TEX29: variants seen among roughly 807,000 people sequenced by gnomAD.
The protein encoded by TEX29 is testis-expressed protein 29.
In TEX29, 26 loss-of-function variants were observed where a neutral mutation model predicts 18.2. The observed-to-expected ratio is 1.43, with a 90% CI of 1.04 to 1.98. The LOEUF (loss-of-function observed/expected upper bound fraction) is 1.98, where lower values mean the gene tolerates loss of function less well. TEX29 is among the 30% of genes most tolerant of loss of function. The pLI is 0.00. For missense variants in TEX29, 177 were observed against 194.2 expected, an observed-to-expected ratio of 0.91 and a Z score of 0.53; for synonymous variants, 83 against 78.5, an observed-to-expected ratio of 1.06 and a Z score of -0.31.
At chr13:111,317,014 TCCAATCACCCCCCACCACGTC>T (rs2093655650), upstream of TEX29, among the ~76,000 whole-genome samples, 1 of 152,108 alleles carries the variant, frequency 6.6e-6, no homozygotes, top group Admixed American at 6.5e-5. Flanking sequence ...ACCCCCACGG[TCCAATCACCCCCCACCACGTC>T]CCTCTCTTGA....
chr13:111,332,683 A>G (rs915941307), intron 3 of TEX29, among the ~76,000 whole-genome samples: 2 of 152,210 alleles, frequency 1.3e-5, no homozygotes, highest in Non-Finnish European at 2.9e-5. Flanking sequence ...CCATGTATCT[A>G]TTAATAGTAA....
At chr13:111,327,556 C>T (rs1388736506) in intron 2 of TEX29, among the ~76,000 whole-genome samples, 1 of 152,166 alleles carries the variant, frequency 6.6e-6, no homozygotes, top group African/African-American at 2.4e-5. Context: ...CCCAGTCCCT[C>T]GGTGGCCCAT....
chr13:111,329,225 G>A (rs2093678981), intron 3 of TEX29, among the ~76,000 whole-genome samples: 2 of 152,088 alleles, frequency 1.3e-5, no homozygotes, highest in Non-Finnish European at 2.9e-5. Flanking sequence ...TGCACAGCAC[G>A]CCCTCGGGAG....
intron 3 of TEX29, among the ~76,000 whole-genome samples, chr13:111,332,115 T>C (rs1360318104): frequency 4.6e-5 from 7 of 152,206 alleles, no homozygotes; most frequent in African/African-American, 1.7e-4. Flanking sequence ...GGGGTTGTGT[T>C]GAATCTGTAT....
intron 3 of TEX29, among the ~76,000 whole-genome samples, chr13:111,337,123 G>A (rs512610): frequency 0.69 from 105,388 of 152,094 alleles, 37,168 homozygotes; most frequent in Admixed American, 0.81. Context: ...ATTTCAATTC[G>A]ATCGATTCTG....
rs1422966499 is a variant in TEX29, at chr13:111,329,230, C to G, written c.169+937C>G. ...GGGAGCAGCCTGCACAGCACGCCCT[C>G]GGGAGGGAACAGTGCAGCCCTTACC... On this transcript the variant is annotated intron_variant, in intron 3 of 5. Transcript: ENST00000283547. 2.6e-5 allele frequency among the ~76,000 whole-genome samples: 4 copies of G among 152,006 alleles called. No homozygotes were observed. In the East Asian group the frequency reaches 7.8e-4, roughly 30 times the overall value.
chr13:111,325,446 G>A (rs1325951625), intron 2 of TEX29, among the ~76,000 whole-genome samples: 1 of 152,148 alleles, frequency 6.6e-6, no homozygotes, highest in African/African-American at 2.4e-5. Context: ...GTTTCTAGAG[G>A]GAGCAGGGAG....
At chr13:111,339,562 C>T (rs1055265713) in intron 3 of TEX29, 7 of 509,094 alleles carry the variant, frequency 1.4e-5, no homozygotes, top group African/African-American at 3.9e-5. Flanking sequence ...GGTCAGGACC[C>T]AGTGCCGTCT....
Position 111,320,752 on chromosome 13 carries a change from G to T in TEX29, c.-45G>T, listed in dbSNP as rs1007718186. 1.0e-6 allele frequency: 1 copy of T among 1,001,810 alleles called. No individual in the cohort carries two copies. The highest frequency in any genetic ancestry group is 1.6e-5 in the African/African-American group (1 of 63,078). 62.1% of individuals were successfully genotyped at this position (1,001,810 alleles called of 1,614,324 possible). A position where few individuals can be genotyped will look rare whatever the true frequency, so the allele number is the denominator to read the frequency against. ...GTGGCTGAGGGGACCCGCCTGGGAT[G>T]TGAGGCGCAGGTGAGTCGATGAACG... On this transcript the variant is annotated 5_prime_UTR_variant, in exon 1 of 6. An upstream start codon of the reference 5' UTR is lost. Coordinates refer to ENST00000283547, the MANE Select transcript of TEX29 (RefSeq NM_152324.3).
intron 2 of TEX29, among the ~76,000 whole-genome samples, chr13:111,327,373 G>A (rs926196700): frequency 5.9e-5 from 9 of 152,166 alleles, no homozygotes; most frequent in South Asian, 2.1e-4. Flanking sequence ...CTCCCCTCCC[G>A]GCCCCTGTCC....
chr13:111,335,504 A>G (rs2093688368), intron 3 of TEX29, among the ~76,000 whole-genome samples: 1 of 152,188 alleles, frequency 6.6e-6, no homozygotes, highest in South Asian at 2.1e-4. Context: ...ACTTGTCATC[A>G]TCTTGTTTTT....
At chr13:111,335,035 C>A (rs1434893722) in intron 3 of TEX29, among the ~76,000 whole-genome samples, 1 of 152,218 alleles carries the variant, frequency 6.6e-6, no homozygotes, top group South Asian at 2.1e-4. Flanking sequence ...TTGCCTCAAA[C>A]AAACAGATTT....
chr13:111,320,988 G>GGGGGGGGGGGGGGGGGGGGGGGGGGGGGC, intron 2 of TEX29, 40 bp downstream of exon 2: 2 of 431,434 alleles, frequency 4.6e-6, no homozygotes, highest in Non-Finnish European at 8.6e-6. Context: ...TGGGGTGGGG[G>GGGGGGGGGGGGGGGGGGGGGGGGGGGGGC]AGCAGTTGGG....
rs2093695145 is a variant in TEX29 at position 111,339,933 on chromosome 13, GT to G, written c.239+2del. On this transcript the variant is annotated splice_donor_variant, in intron 4 of 5. Transcript: ENST00000283547. LOFTEE classifies it high-confidence loss of function. ...CCTTCGTCATCACCATCATCTACAG[GT>G]CGGTCCCTTTGTTCTTTACTGGGAG... is the stretch of plus-strand genomic sequence containing the variant. The G allele has an allele frequency of 3.1e-6, 5 of 1,609,122 alleles. No homozygotes were observed. The highest frequency in any genetic ancestry group is 4.3e-6 in the Non-Finnish European group (5 of 1,176,210).
At chr13:111,339,452 G>A (rs1054611871) in intron 3 of TEX29, 4 of 428,286 alleles carry the variant, frequency 9.3e-6, no homozygotes, top group South Asian at 3.4e-5. Flanking sequence ...AGGAGCCAGC[G>A]CCATCTCTCA....
Position 111,320,996 on chromosome 13 carries a change from G to GC in TEX29, c.58+48_58+49insC, listed in dbSNP as rs749590775. The GC allele has an allele frequency of 7.3e-6, 7 of 963,612 alleles. No homozygotes were observed. The East Asian group carries it at 1.5e-4, about 20-fold the overall frequency. The allele number at this position is 963,612 out of a possible 1,614,324, so 59.7% of individuals were successfully genotyped here. Reference sequence around the variant, plus strand: ...GGGCGGGTGGGGTGGGGGAGCAGTTGGGGGGGGGCACAGGGAGGAGCTGTT... The same window carrying GC: ...GGGCGGGTGGGGTGGGGGAGCAGTTGCGGGGGGGGCACAGGGAGGAGCTGTT... On this transcript the variant is annotated intron_variant, in intron 2 of 5. Transcript: ENST00000283547.
intron 3 of TEX29, among the ~76,000 whole-genome samples, chr13:111,329,443 C>T (rs578100921): frequency 6.6e-6 from 1 of 151,522 alleles, no homozygotes; most frequent in Non-Finnish European, 1.5e-5. Context: ...CCTGCATTTC[C>T]CGCTAGACTG....
At chr13:111,328,138 C>T in intron 2 of TEX29, 45 bp from the exon 3 acceptor site, 1 of 1,323,974 alleles carries the variant, frequency 7.6e-7, no homozygotes, top group East Asian at 2.3e-5. Context: ...AGCAGAGTGG[C>T]TTTGTTTTCG....
intron 3 of TEX29, among the ~76,000 whole-genome samples, chr13:111,331,705 C>G (rs1283900623): frequency 6.6e-6 from 1 of 152,060 alleles, no homozygotes; most frequent in East Asian, 1.9e-4. Context: ...ACATTTTGGT[C>G]TTTTTATCCT....
Sources: gnomAD v4.1 joint callset for allele counts (sites outside exome capture counted in the v4.1 genomes callset) on GRCh38, gnomAD v4.1.1 for gene constraint, MANE v1.5 for transcripts, NCBI Gene and HGNC (gene_info 2026-07-23, HGNC 2026-07-21) for gene names.